CEP126: variants seen among roughly 807,000 people sequenced by gnomAD.
CEP126 encodes the protein centrosomal protein 126, also known as centrosomal protein of 126 kDa.
A neutral mutation model predicts 107.8 loss-of-function variants in CEP126; 74 were observed. The observed-to-expected ratio is 0.69, with a 90% CI of 0.57 to 0.83. CEP126 has a LOEUF of 0.83. Ranked by LOEUF, CEP126 falls within the 40% of genes least tolerant of loss-of-function variation. The pLI is 0.00. For synonymous variants in CEP126, 449 were observed against 446.0 expected, an observed-to-expected ratio of 1.01 and a Z score of -0.08; for missense variants, 1,237 against 1,281.9, an observed-to-expected ratio of 0.96 and a Z score of 0.53.
chr11:101,996,984 A>G (rs569215622), intron 10 of CEP126, among the ~76,000 whole-genome samples: 2 of 152,348 alleles, frequency 1.3e-5, no homozygotes, highest in South Asian at 4.1e-4. Context: ...AGAGCTTTAA[A>G]TGCAGGTTCA....
chr11:101,962,518 G>C lies in CEP126; in HGVS notation c.1483G>C (p.Asp495His). The C allele has an allele frequency of 1.2e-6, 2 of 1,613,196 alleles. No homozygotes were observed. Among genetic ancestry groups the C allele is most frequent in the Non-Finnish European group, 1.7e-6 (2 of 1,179,688 alleles). The stretch of plus-strand genomic sequence containing the variant: ...TGCAGTGCAGTGTTCTGATAAGTTA[G>C]ATGAATTGAAAGATGGTAAAGAAGA... Reference protein sequence around the residue: ...IDAVQCSDKLDELKDGKEEEI... With the variant: ...IDAVQCSDKLHELKDGKEEEI... The change falls in exon 6 of 11, where the codon GAT (aspartate) becomes CAT (histidine). Residue 495 changes from aspartate (D) to histidine (H), a missense_variant. Asp to His is a moderately conservative substitution (Grantham distance 81). Coordinates refer to ENST00000263468, the MANE Select transcript of CEP126 (RefSeq NM_020802.4).
chr11:101,915,423 C>T lies in CEP126; in HGVS notation c.128+11C>T, dbSNP rs774381609. ...ACCTGGCTCTTACCTGTATCCTTCC[C>T]AGCCTGTGGCTGCCAGGGTAGCGAT... On this transcript the variant is annotated intron_variant, in intron 1 of 10. Transcript: ENST00000263468. 1 of 1,599,230 alleles carries T rather than the reference C, an allele frequency of 6.3e-7. No homozygotes were observed. The highest frequency in any genetic ancestry group is 1.1e-5 in the South Asian group (1 of 90,546).
intron 3 of CEP126, among the ~76,000 whole-genome samples, 188 bp from the exon 4 acceptor site, chr11:101,947,843 C>T (rs1056474254): frequency 1.2e-4 from 18 of 152,030 alleles, no homozygotes; most frequent in Non-Finnish European, 2.2e-4. Context: ...GTGATGAAAA[C>T]TTTGAGGTAA....
intron 1 of CEP126, among the ~76,000 whole-genome samples, chr11:101,920,558 C>T (rs1300542998): frequency 6.6e-6 from 1 of 151,566 alleles, no homozygotes; most frequent in Admixed American, 6.6e-5. Context: ...TATATTTCTA[C>T]ATCTAATGAT....
intron 4 of CEP126, among the ~76,000 whole-genome samples, chr11:101,952,545 AT>A (rs2137102842): frequency 6.6e-6 from 1 of 152,298 alleles, no homozygotes; most frequent in East Asian, 1.9e-4. Context: ...CAGAGATTAG[AT>A]TTGGTCAGTG....
intron 6 of CEP126, among the ~76,000 whole-genome samples, chr11:101,969,496 G>A (rs1452535312): frequency 6.6e-6 from 1 of 152,146 alleles, no homozygotes; most frequent in East Asian, 1.9e-4. Flanking sequence ...GCGGAGCAGG[G>A]GGAAGATATG....
intron 2 of CEP126, among the ~76,000 whole-genome samples, chr11:101,941,386 T>A (rs929706940): frequency 1.3e-5 from 2 of 152,168 alleles, no homozygotes; most frequent in African/African-American, 4.8e-5. Flanking sequence ...TAAAGTGAAA[T>A]CATACAACAT....
chr11:101,970,244 G>A (rs10895233), intron 6 of CEP126, among the ~76,000 whole-genome samples: 78,052 of 151,978 alleles, frequency 0.51, 20,526 homozygotes, highest in East Asian at 0.78. Context: ...GAATTCCATT[G>A]TTCATTTAAT....
At chr11:101,956,720 G>T (rs1372861541) in intron 4 of CEP126, 2 of 455,478 alleles carry the variant, frequency 4.4e-6, no homozygotes, top group Non-Finnish European at 8.8e-6. Context: ...AACTTATTTA[G>T]CTTTTCCCTC....
In CEP126 at chr11:101,915,245, G is replaced by T. The variant is rs763153030; in HGVS notation, c.-40G>T. On this transcript the variant is annotated 5_prime_UTR_variant, in exon 1 of 11. The change creates a new upstream start codon in the 5' untranslated region. Transcript: ENST00000263468. ...AGGAAGCCGGAGCTGCCATGAGGGA[G>T]GTTCTGGGGGCGAGCAGACAGGCGG... is the stretch of plus-strand genomic sequence containing the variant. The T allele has an allele frequency of 6.2e-7, 1 of 1,610,358 alleles. No homozygotes were observed. The highest frequency in any genetic ancestry group is 1.1e-5 in the South Asian group (1 of 90,842).
intron 8 of CEP126, among the ~76,000 whole-genome samples, chr11:101,984,264 C>G (rs1335585729): frequency 6.6e-6 from 1 of 152,168 alleles, no homozygotes; most frequent in Admixed American, 6.5e-5. Flanking sequence ...ACTTGGAACA[C>G]AGGGACTAAA....
chr11:101,984,224 A>G (rs1228648500), intron 8 of CEP126, among the ~76,000 whole-genome samples: 2 of 152,228 alleles, frequency 1.3e-5, no homozygotes, highest in African/African-American at 2.4e-5. Flanking sequence ...CGAGTTTAGC[A>G]TGAAAGATGC....
chr11:101,987,398 G>A (rs1664212369), intron 9 of CEP126, among the ~76,000 whole-genome samples: 1 of 152,148 alleles, frequency 6.6e-6, no homozygotes, highest in South Asian at 2.1e-4. Flanking sequence ...AAGAATGTAA[G>A]ACATTCTTAA....
chr11:101,915,591 A>G (rs1398620295), intron 1 of CEP126, among the ~76,000 whole-genome samples, 179 bp downstream of exon 1: 3 of 152,136 alleles, frequency 2.0e-5, no homozygotes, highest in Non-Finnish European at 1.5e-5. Context: ...ATACCATTTT[A>G]TCTAATTCTG....
At chr11:101,948,206 G>A in intron 4 of CEP126, 64 bp downstream of exon 4, 1 of 954,482 alleles carries the variant, frequency 1.0e-6, no homozygotes, top group Non-Finnish European at 1.6e-6. Flanking sequence ...TAGTTACTGT[G>A]CTTGTCAGCT....
chr11:101,929,293 A>G (rs1235400972), intron 2 of CEP126, among the ~76,000 whole-genome samples: 1 of 152,110 alleles, frequency 6.6e-6, no homozygotes, highest in African/African-American at 2.4e-5. Flanking sequence ...TTCTATTGAA[A>G]CCCAAACATT....
At chr11:101,941,154 T>G (rs1467758879) in intron 2 of CEP126, among the ~76,000 whole-genome samples, 2 of 152,166 alleles carry the variant, frequency 1.3e-5, no homozygotes, top group Non-Finnish European at 2.9e-5. Flanking sequence ...CTATTATGAC[T>G]CTCTATTTAA....
chr11:101,961,805 A>C lies in CEP126; in HGVS notation c.770A>C (p.Glu257Ala). ...SETLSSIDSLEATEHEEIYLT... is the reference protein window; with the variant it reads ...SETLSSIDSLAATEHEEIYLT... ...ACCCTCTCAAGTATAGACAGTCTTG[A>C]GGCTACAGAGCATGAAGAAATATAT... The change falls in exon 6 of 11, where the codon GAG (glutamate) becomes GCG (alanine). Residue 257 changes from glutamate to alanine, a missense_variant. Coordinates refer to ENST00000263468, the MANE Select transcript of CEP126 (RefSeq NM_020802.4). The C allele has an allele frequency of 6.2e-7, 1 of 1,605,588 alleles. No homozygotes were observed. The highest frequency in any genetic ancestry group is 8.5e-7 in the Non-Finnish European group (1 of 1,176,714).
intron 4 of CEP126, chr11:101,955,783 C>G (rs1205050338): frequency 1.2e-4 from 50 of 428,154 alleles, no homozygotes; most frequent in Non-Finnish European, 5.2e-5. Context: ...TGCTTTTCCA[C>G]CTGTGCAGAT....
Sources: allele counts gnomAD v4.1 joint callset (sites outside exome capture counted in the v4.1 genomes callset), GRCh38; gene constraint gnomAD v4.1.1; transcripts MANE v1.5; gene names NCBI Gene and HGNC (gene_info 2026-07-23, HGNC 2026-07-21).